LRP1B: variants seen among roughly 807,000 people sequenced by gnomAD.
LRP1B encodes LDL receptor related protein 1B.
A neutral mutation model predicts 556.6 loss-of-function variants in LRP1B; 217 were observed. That is an observed-to-expected ratio of 0.39 (90% CI 0.35 to 0.44). The LOEUF is 0.44. LRP1B is among the 20% of genes least tolerant of loss of function. The pLI is 1.00. For synonymous variants in LRP1B, 2,047 were observed against 1,865.8 expected (o/e 1.10, Z -2.50); for missense variants, 5,053 against 5,620.8 (o/e 0.90, Z 3.23).
chr2:141,948,446 G>A (rs1701016660), intron 1 of LRP1B, among the ~76,000 whole-genome samples: 1 of 151,910 alleles, frequency 6.6e-6, no homozygotes, highest in African/African-American at 2.4e-5. Flanking sequence ...GTAACATTAT[G>A]CCAGACCAAG....
At position 140,350,934 on chromosome 2, in the gene LRP1B, G is replaced by T. The variant is rs975954500; in HGVS notation, c.11755C>A (p.His3919Asn). The T allele has an allele frequency of 6.2e-7, 1 of 1,610,278 alleles. No homozygotes were observed. Among genetic ancestry groups the T allele is most frequent in the Non-Finnish European group, 8.5e-7 (1 of 1,177,398 alleles). The change falls in exon 77 of 91, where the codon CAT becomes AAT. Residue 3919 changes from histidine to asparagine, a missense_variant. Physicochemically the swap from His to Asn is moderately conservative, Grantham distance 68. Transcript: ENST00000389484. Reference sequence around the variant, plus strand: ...TCCATCCCTGTTATTCTTGAATTATGTTCAATATGAGAAATTTGTTGATGA... The same window carrying T: ...TCCATCCCTGTTATTCTTGAATTATTTTCAATATGAGAAATTTGTTGATGA... ...GDHQQISHIE[H>N]NSRITGMDVY... is the part of the protein sequence containing the mutation.
intron 1 of LRP1B, among the ~76,000 whole-genome samples, chr2:141,878,891 A>G (rs10496905): frequency 0.17 from 25,468 of 151,814 alleles, 3,075 homozygotes; most frequent in African/African-American, 0.33. Flanking sequence ...GCCACTCCTA[A>G]TTGTCCTAAG....
At chr2:140,319,871 C>A (rs1234689527) in intron 82 of LRP1B, among the ~76,000 whole-genome samples, 2 of 152,230 alleles carry the variant, frequency 1.3e-5, no homozygotes, top group South Asian at 4.1e-4. Flanking sequence ...ATGATGGCAT[C>A]CCTTTTCAAT....
At chr2:140,994,675 A>G (rs1330258446) in intron 15 of LRP1B, among the ~76,000 whole-genome samples, 1 of 152,028 alleles carries the variant, frequency 6.6e-6, no homozygotes, top group African/African-American at 2.4e-5. Context: ...TAATTAGACT[A>G]TAGTAACCAT....
chr2:140,930,828 G>A (rs886597657), intron 20 of LRP1B, among the ~76,000 whole-genome samples: 1 of 152,004 alleles, frequency 6.6e-6, no homozygotes, highest in Non-Finnish European at 1.5e-5. Flanking sequence ...AATAATTCCT[G>A]CACTTAAGGC....
chr2:141,556,065 A>G (rs1004516737), intron 2 of LRP1B, among the ~76,000 whole-genome samples: 1 of 151,860 alleles, frequency 6.6e-6, no homozygotes, highest in Non-Finnish European at 1.5e-5. Flanking sequence ...TGTTTATCAT[A>G]ATAATCATGA....
chr2:142,028,490 G>A (rs1186288967), intron 1 of LRP1B, among the ~76,000 whole-genome samples: 1 of 151,944 alleles, frequency 6.6e-6, no homozygotes, highest in African/African-American at 2.4e-5. Flanking sequence ...TATATTTGCT[G>A]TGTGTATCAG....
At chr2:141,186,078 CA>C (rs386391364) in intron 7 of LRP1B, among the ~76,000 whole-genome samples, 8 of 77,612 alleles carry the variant, frequency 1.0e-4, no homozygotes, top group African/African-American at 4.0e-4. Context: ...GACTCTGTCT[CA>C]AAAAAAAAAA....
At chr2:140,952,013 T>C in intron 18 of LRP1B, 73 bp from the exon 19 acceptor site, 1 of 1,076,690 alleles carries the variant, frequency 9.3e-7, no homozygotes, top group Non-Finnish European at 1.4e-6. Context: ...TATCATCTGA[T>C]AATGTGATCA....
chr2:140,328,945 G>T (rs1680645417), intron 79 of LRP1B, among the ~76,000 whole-genome samples: 1 of 151,960 alleles, frequency 6.6e-6, no homozygotes, highest in South Asian at 2.1e-4. Flanking sequence ...TTTGCTTATT[G>T]AATCAAACAA....
At chr2:140,311,074 T>C (rs1256802888) in intron 83 of LRP1B, among the ~76,000 whole-genome samples, 1 of 151,920 alleles carries the variant, frequency 6.6e-6, no homozygotes, top group African/African-American at 2.4e-5. Flanking sequence ...ACGCTGTTGG[T>C]GGGAATGTAA....
At chr2:140,994,777 A>C (rs1220956167) in intron 15 of LRP1B, among the ~76,000 whole-genome samples, 1 of 152,082 alleles carries the variant, frequency 6.6e-6, no homozygotes, top group African/African-American at 2.4e-5. Flanking sequence ...AAATTCAAAA[A>C]TATGTGATAC....
chr2:142,106,566 T>C (rs1401604196), intron 1 of LRP1B, among the ~76,000 whole-genome samples: 1 of 152,176 alleles, frequency 6.6e-6, no homozygotes, highest in African/African-American at 2.4e-5. Context: ...ATAAATTCTA[T>C]GTCATTAAGA....
chr2:141,503,864 C>T (rs1370622143), intron 2 of LRP1B, among the ~76,000 whole-genome samples: 2 of 152,044 alleles, frequency 1.3e-5, no homozygotes, highest in Non-Finnish European at 2.9e-5. Context: ...AAAAGAGAAA[C>T]AACTAATAAA....
intron 2 of LRP1B, among the ~76,000 whole-genome samples, chr2:141,525,207 C>T (rs1471260684): frequency 5.3e-5 from 8 of 151,846 alleles, no homozygotes; most frequent in Admixed American, 3.9e-4. Context: ...AGGTGATGCT[C>T]GGCTGAGAGA....
intron 35 of LRP1B, among the ~76,000 whole-genome samples, chr2:140,727,806 CAGATTAATAA>C (rs1481894111): frequency 1.3e-5 from 2 of 152,070 alleles, no homozygotes; most frequent in African/African-American, 4.8e-5. Context: ...AAACATGTTG[CAGATTAATAA>C]AGACCCAGAT....
chr2:141,364,269 TA>T lies in LRP1B; in HGVS notation c.344-109629del, dbSNP rs139024801. On this transcript the variant is annotated intron_variant, in intron 3 of 90. Coordinates refer to ENST00000389484, the MANE Select transcript of LRP1B (RefSeq NM_018557.3). ...GAATGAAGATATAACCTGGAGGAAA[TA>T]ACACACACACACACACACACACACG... Among the ~76,000 whole-genome samples the T allele has an allele frequency of 9.6e-4, 88 of 91,798 alleles. 1 individual carries two copies. The highest frequency in any genetic ancestry group is 1.3e-3 in the Non-Finnish European group (59 of 43,958). The allele number at this position is 91,798 out of a possible 152,430, so 60.2% of individuals were successfully genotyped here. A position where few individuals can be genotyped will look rare whatever the true frequency, so the allele number is the denominator to read the frequency against.
At chr2:141,748,037 C>G (rs1318788925) in intron 2 of LRP1B, among the ~76,000 whole-genome samples, 1 of 152,098 alleles carries the variant, frequency 6.6e-6, no homozygotes, top group Non-Finnish European at 1.5e-5. Context: ...CTTAATCATC[C>G]TAAACTATGA....
intron 35 of LRP1B, among the ~76,000 whole-genome samples, chr2:140,757,843 T>C (rs952777355): frequency 6.6e-6 from 1 of 152,172 alleles, no homozygotes; most frequent in Non-Finnish European, 1.5e-5. Flanking sequence ...ATCATGCCAC[T>C]ACAGCCCAGG....
Sources: allele counts gnomAD v4.1 joint callset (sites outside exome capture counted in the v4.1 genomes callset), GRCh38; gene constraint gnomAD v4.1.1; transcripts MANE v1.5; gene names NCBI Gene and HGNC (gene_info 2026-07-23, HGNC 2026-07-21).